Variants in RABGEF1 observed in about 807,000 individuals in gnomAD.
The protein encoded by RABGEF1 is RAB guanine nucleotide exchange factor 1.
Under a neutral mutation model 57.3 loss-of-function variants are expected in RABGEF1, and 26 were observed. The ratio of observed to expected loss-of-function variants is 0.45; its 90% confidence interval spans 0.33 to 0.63. The LOEUF is 0.63. Among genes scored for constraint, RABGEF1 ranks in the 20% least tolerant of loss-of-function variants. The pLI is 0.02. For missense variants in RABGEF1, 464 were observed against 607.6 expected (o/e 0.76, Z 2.48); for synonymous variants, 185 against 210.7 (o/e 0.88, Z 1.06).
At chr7:66,705,517 A>T (rs1279686405) in intron 1 of RABGEF1, among the ~76,000 whole-genome samples, 1 of 136,270 alleles carries the variant, frequency 7.3e-6, no homozygotes, top group Admixed American at 7.6e-5. Context: ...GCAGAGGAGG[A>T]GGAGGAAGAG....
chr7:66,773,560 G>C (rs1375153722), intron 2 of RABGEF1: 1 of 411,156 alleles, frequency 2.4e-6, no homozygotes, highest in African/African-American at 2.0e-5. Flanking sequence ...TTGGGAGTAA[G>C]ACTAGAGAAT....
At chr7:66,754,808 T>A (rs1177899744) in intron 1 of RABGEF1, among the ~76,000 whole-genome samples, 1 of 152,210 alleles carries the variant, frequency 6.6e-6, no homozygotes, top group Non-Finnish European at 1.5e-5. Flanking sequence ...TGTGTATCAC[T>A]TTACCCAGCC....
At position 66,775,388 on chromosome 7, in the gene RABGEF1, A is replaced by G; in HGVS notation, c.341A>G (p.Lys114Arg). Residue 114 changes from lysine to arginine, a missense_variant, in exon 3 of 9, where the codon AAG becomes AGG. By Grantham distance (26) the Lys-to-Arg change is conservative. Coordinates refer to ENST00000284957, the MANE Select transcript of RABGEF1 (RefSeq NM_014504.3). Reference sequence around the variant, plus strand: ...AGTGCATCTTCCAGGGTCGGATCAAAGAAGGGTAATGTTCTGATACTCTTT... The same window carrying G: ...AGTGCATCTTCCAGGGTCGGATCAAGGAAGGGTAATGTTCTGATACTCTTT... ...FFSASSRVGS[K>R]KEIQEAKAPS... is the part of the protein sequence containing the mutation. 1 of 1,613,852 alleles carries G rather than the reference A, an allele frequency of 6.2e-7. No homozygotes were observed. The highest frequency in any genetic ancestry group is 1.7e-5 in the Admixed American group (1 of 60,002).
upstream of RABGEF1, among the ~76,000 whole-genome samples, chr7:66,678,054 T>A (rs1438657145): frequency 6.6e-6 from 1 of 151,398 alleles, no homozygotes; most frequent in South Asian, 2.1e-4. Context: ...ACAAAGACCC[T>A]GTCTCGAAAA....
the RABGEF1 span, among the ~76,000 whole-genome samples, chr7:66,675,778 C>T: frequency 6.6e-6 from 1 of 152,086 alleles, no homozygotes; most frequent in South Asian, 2.1e-4. Context: ...CATTTTTGCA[C>T]ACAAACAGTG....
At chr7:66,706,461 G>A (rs553888647) in intron 1 of RABGEF1, among the ~76,000 whole-genome samples, 2 of 151,912 alleles carry the variant, frequency 1.3e-5, no homozygotes, top group African/African-American at 4.8e-5. Flanking sequence ...CCAGGCTGGA[G>A]TGCAGTGGTG....
At chr7:66,789,968 C>T (rs1045158889) in intron 4 of RABGEF1, among the ~76,000 whole-genome samples, 6 of 152,128 alleles carry the variant, frequency 3.9e-5, no homozygotes, top group African/African-American at 9.7e-5. Flanking sequence ...AGGACAGATA[C>T]TCCCTCTACG....
the RABGEF1 span, among the ~76,000 whole-genome samples, chr7:66,671,048 G>T: frequency 3.9e-4 from 60 of 152,098 alleles, no homozygotes; most frequent in Middle Eastern, 3.4e-3. Context: ...GAGAGATAGA[G>T]AGATGGGATC....
At chr7:66,765,591 C>T (rs1313933012) in intron 1 of RABGEF1, among the ~76,000 whole-genome samples, 1 of 152,170 alleles carries the variant, frequency 6.6e-6, no homozygotes, top group Admixed American at 6.5e-5. Flanking sequence ...TCATTCAGGA[C>T]GTACAGGACC....
At chr7:66,675,100 T>C in the RABGEF1 span, among the ~76,000 whole-genome samples, 1 of 152,184 alleles carries the variant, frequency 6.6e-6, no homozygotes, top group Admixed American at 6.6e-5. Context: ...CCAGCGATTT[T>C]CTAATCACTT....
chr7:66,682,662 G>C (rs1243465353), intron 1 of RABGEF1, among the ~76,000 whole-genome samples: 1 of 152,134 alleles, frequency 6.6e-6, no homozygotes, highest in Non-Finnish European at 1.5e-5. Context: ...TCCCCGGAAC[G>C]CGCCGGGATG....
At chr7:66,659,401 G>A in the RABGEF1 span, among the ~76,000 whole-genome samples, 3 of 150,256 alleles carry the variant, frequency 2.0e-5, no homozygotes, top group East Asian at 2.0e-4. Context: ...GCTGTGAGCC[G>A]ACATTGCGCC....
chr7:66,695,286 T>A (rs1792148824), intron 1 of RABGEF1, among the ~76,000 whole-genome samples: 1 of 151,672 alleles, frequency 6.6e-6, no homozygotes, highest in Non-Finnish European at 1.5e-5. Context: ...CACTCCAGCC[T>A]GAGCAGCAGA....
Position 66,771,988 on chromosome 7 carries a change from C to A in RABGEF1, c.89C>A (p.Ala30Asp). Residue 30 changes from alanine (A) to aspartate (D), a missense_variant, in exon 2 of 9, where the codon GCC (alanine) becomes GAC (aspartate). Around this residue, in one of 4 missense-constraint regions of RABGEF1, gnomAD observed 12 missense variants for 46.0 expected, o/e 0.26. Transcript: ENST00000284957. The stretch of plus-strand genomic sequence containing the variant: ...GGATGTGGTTACTACGGCAACCCTG[C>A]CTGGCAGGGTTTCTGCTCCAAGTGC... ...KKGCGYYGNPAWQGFCSKCWR... is the reference protein window; with the variant it reads ...KKGCGYYGNPDWQGFCSKCWR... The A allele has an allele frequency of 1.9e-6, 3 of 1,598,396 alleles. No individual in the cohort carries two copies. The highest frequency in any genetic ancestry group is 2.6e-6 in the Non-Finnish European group (3 of 1,172,952).
chr7:66,767,844 CA>C (rs1404613456), intron 1 of RABGEF1, among the ~76,000 whole-genome samples: 1 of 152,116 alleles, frequency 6.6e-6, no homozygotes, highest in Admixed American at 6.5e-5. Flanking sequence ...ATAACCTACC[CA>C]GTTTATGGTA....
intron 1 of RABGEF1, among the ~76,000 whole-genome samples, chr7:66,763,320 C>G (rs566202909): frequency 6.6e-6 from 1 of 152,202 alleles, no homozygotes; most frequent in Non-Finnish European, 1.5e-5. Flanking sequence ...CAGATGCACT[C>G]GTGTTGGCAG....
intron 1 of RABGEF1, among the ~76,000 whole-genome samples, chr7:66,697,329 A>G (rs577321890): frequency 1.3e-5 from 2 of 152,262 alleles, no homozygotes; most frequent in African/African-American, 2.4e-5. Context: ...GCGTCTCACA[A>G]GTCTTGCATT....
chr7:66,700,176 A>C (rs769534172), intron 1 of RABGEF1, among the ~76,000 whole-genome samples: 4 of 152,218 alleles, frequency 2.6e-5, no homozygotes, highest in Non-Finnish European at 4.4e-5. Flanking sequence ...GCCCTGGTTC[A>C]TTCTGGATCC....
intron 1 of RABGEF1, among the ~76,000 whole-genome samples, chr7:66,753,609 C>G (rs1207397121): frequency 9.3e-5 from 14 of 150,918 alleles, no homozygotes; most frequent in Admixed American, 1.3e-4. Flanking sequence ...ATTTCCCTTT[C>G]AGTTTGAAGA....
Sources: allele counts gnomAD v4.1 joint callset (sites outside exome capture counted in the v4.1 genomes callset), GRCh38; gene constraint gnomAD v4.1.1; regional missense constraint gnomAD v4.1.1; transcripts MANE v1.5; gene names NCBI Gene and HGNC (gene_info 2026-07-23, HGNC 2026-07-21).